Variants in ADCY5 observed in about 807,000 individuals in gnomAD.
ADCY5 encodes adenylate cyclase type 5.
A neutral mutation model predicts 119.7 loss-of-function variants in ADCY5; 30 were observed. The observed-to-expected ratio is 0.25, with a 90% CI of 0.19 to 0.34. The LOEUF (loss-of-function observed/expected upper bound fraction) is 0.34, where lower values mean the gene tolerates loss of function less well. Among genes scored for constraint, ADCY5 ranks in the 10% least tolerant of loss-of-function variants. ADCY5 has a pLI of 1.00. For synonymous variants in ADCY5, 753 were observed against 762.2 expected, an observed-to-expected ratio of 0.99 and a Z score of 0.20; for missense variants, 1,324 against 1,775.2, an observed-to-expected ratio of 0.75 and a Z score of 4.57.
Position 123,308,366 on chromosome 3 carries a change from C to T in ADCY5, c.2443-4183G>A, listed in dbSNP as rs1231968579. Among the ~76,000 whole-genome samples the T allele has an allele frequency of 4.6e-5, 7 of 152,008 alleles. No individual in the cohort carries two copies. The East Asian group carries it at 1.4e-3, about 29-fold the overall frequency. On this transcript the variant is annotated intron_variant, in intron 12 of 20. Transcript: ENST00000462833. The stretch of plus-strand genomic sequence containing the variant: ...TCTACACTCTTTAAAAAGACTTTCT[C>T]TTGACTTTAAAACCTCAGTAGGAAC...
intron 1 of ADCY5, among the ~76,000 whole-genome samples, chr3:123,376,644 A>G (rs1464968748): frequency 6.6e-6 from 1 of 152,110 alleles, no homozygotes; most frequent in South Asian, 2.1e-4. Flanking sequence ...CCCAAAATAA[A>G]TAACAATGAA....
chr3:123,290,050 G>T, intron 18 of ADCY5, 96 bp from the exon 19 acceptor site: 1 of 1,228,922 alleles, frequency 8.1e-7, no homozygotes, highest in Non-Finnish European at 1.2e-6. Flanking sequence ...CAGCAGCATG[G>T]CCCTTCATGT....
At chr3:123,295,966 A>G in intron 17 of ADCY5, 118 bp downstream of exon 17, 1 of 1,441,234 alleles carries the variant, frequency 6.9e-7, no homozygotes, top group Non-Finnish European at 9.4e-7. Flanking sequence ...CCTGAGCAAG[A>G]CAGCTTGACA....
intron 1 of ADCY5, among the ~76,000 whole-genome samples, chr3:123,390,660 G>C (rs530337537): frequency 6.6e-6 from 1 of 152,210 alleles, no homozygotes; most frequent in Admixed American, 6.5e-5. Flanking sequence ...GCCTCCCCTG[G>C]GGCGTGGCAG....
intron 18 of ADCY5, 128 bp downstream of exon 18, chr3:123,290,985 G>A (rs1576525297): frequency 2.3e-6 from 3 of 1,279,142 alleles, no homozygotes; most frequent in Non-Finnish European, 3.2e-6. Flanking sequence ...CCCGCCGGCA[G>A]AGCTCCCATC....
intron 1 of ADCY5, among the ~76,000 whole-genome samples, chr3:123,444,130 T>C (rs1284836122): frequency 6.6e-6 from 1 of 152,188 alleles, no homozygotes; most frequent in African/African-American, 2.4e-5. Context: ...TCCAGCATCA[T>C]TGCAGCCTAT....
At chr3:123,402,998 A>G (rs1433115686) in intron 1 of ADCY5, among the ~76,000 whole-genome samples, 1 of 152,148 alleles carries the variant, frequency 6.6e-6, no homozygotes, top group East Asian at 1.9e-4. Context: ...ATTCCTCAAC[A>G]CTGTGTGATG....
chr3:123,302,553 G>A (rs1559788638), intron 14 of ADCY5, among the ~76,000 whole-genome samples: 1 of 152,010 alleles, frequency 6.6e-6, no homozygotes, highest in Non-Finnish European at 1.5e-5. Context: ...CCTGAGGTGG[G>A]GTAGGGTCTG....
chr3:123,322,256 C>T (rs940598233), intron 8 of ADCY5, among the ~76,000 whole-genome samples: 1 of 152,196 alleles, frequency 6.6e-6, no homozygotes, highest in African/African-American at 2.4e-5. Context: ...ACTACGGAAC[C>T]GAGAAGAACT....
chr3:123,433,750 C>A (rs1429349425), intron 1 of ADCY5, among the ~76,000 whole-genome samples: 2 of 152,150 alleles, frequency 1.3e-5, no homozygotes, highest in South Asian at 2.1e-4. Flanking sequence ...GGGTCCCCAG[C>A]AGCCTCCTCC....
intron 1 of ADCY5, among the ~76,000 whole-genome samples, chr3:123,429,984 G>A (rs1222519375): frequency 6.6e-6 from 1 of 152,076 alleles, no homozygotes; most frequent in Non-Finnish European, 1.5e-5. Context: ...GTGAATGCCG[G>A]CCTCAGCCCT....
At chr3:123,345,739 CAG>C (rs879672173) in intron 3 of ADCY5, among the ~76,000 whole-genome samples, 2 of 142,426 alleles carry the variant, frequency 1.4e-5, no homozygotes, top group Non-Finnish European at 3.0e-5. Flanking sequence ...GACAGAGAGA[CAG>C]ACAGACAGAC....
chr3:123,351,447 C>T (rs540921216), intron 2 of ADCY5, among the ~76,000 whole-genome samples: 1 of 152,320 alleles, frequency 6.6e-6, no homozygotes, highest in African/African-American at 2.4e-5. Flanking sequence ...TCATATCAGC[C>T]ATGGGGGCTG....
At position 123,447,995 on chromosome 3, in the gene ADCY5, G is replaced by C. The variant is rs1401519571; in HGVS notation, c.551C>G (p.Ser184Cys). 1.5e-6 allele frequency: 2 copies of C among 1,334,058 alleles called. No individual in the cohort carries two copies. Among genetic ancestry groups the C allele is most frequent in the South Asian group, 2.2e-5 (1 of 46,020 alleles). The allele number at this position is 1,334,058 out of a possible 1,614,324, so 82.6% of individuals were successfully genotyped here. ...GTCCGCCGAGCTGCCGCCATCCCCG[G>C]ACCCCTCGCCGCCCTCGACGGCGCC... ...EAGAVEGGEG[S>C]GDGGSSADSG... The change falls in exon 1 of 21, where the codon TCC becomes TGC. Residue 184 changes from serine (S) to cysteine (C), a missense_variant. Ser to Cys is a moderately radical substitution (Grantham distance 112, BLOSUM62 -1). Transcript: ENST00000462833.
At chr3:123,426,288 T>G (rs1432284750) in intron 1 of ADCY5, among the ~76,000 whole-genome samples, 1 of 114,842 alleles carries the variant, frequency 8.7e-6, no homozygotes, top group Non-Finnish European at 1.8e-5. Flanking sequence ...TTTCTTTTTC[T>G]TTTCTTTTGT....
chr3:123,294,639 A>C (rs1311448110), intron 17 of ADCY5, among the ~76,000 whole-genome samples: 1 of 152,062 alleles, frequency 6.6e-6, no homozygotes, highest in East Asian at 1.9e-4. Flanking sequence ...AGATGAGGAG[A>C]GACTGAGGAT....
At chr3:123,446,468 A>G (rs1284946020) in intron 1 of ADCY5, among the ~76,000 whole-genome samples, 1 of 152,208 alleles carries the variant, frequency 6.6e-6, no homozygotes, top group East Asian at 1.9e-4. Flanking sequence ...TTCAGAAGCA[A>G]TCATGGATGA....
chr3:123,431,286 T>G (rs1945516789), intron 1 of ADCY5, among the ~76,000 whole-genome samples: 1 of 152,150 alleles, frequency 6.6e-6, no homozygotes, highest in Admixed American at 6.5e-5. Context: ...GTTTATACAA[T>G]TTCTCCCTAC....
intron 17 of ADCY5, among the ~76,000 whole-genome samples, chr3:123,293,459 G>A (rs942292218): frequency 2.0e-5 from 3 of 152,144 alleles, no homozygotes; most frequent in Non-Finnish European, 4.4e-5. Flanking sequence ...GGGACCTGCT[G>A]GAAAACTTGA....
Sources: gnomAD v4.1 joint callset for allele counts (sites outside exome capture counted in the v4.1 genomes callset) on GRCh38, gnomAD v4.1.1 for gene constraint, MANE v1.5 for transcripts, NCBI Gene and HGNC (gene_info 2026-07-23, HGNC 2026-07-21) for gene names.